PITHD1: variants seen among roughly 807,000 people sequenced by gnomAD.
PITHD1 encodes PITH domain containing 1, also known as PITH domain-containing protein 1.
Under a neutral mutation model 27.5 loss-of-function variants are expected in PITHD1, and 8 were observed. The observed-to-expected ratio is 0.29, with a 90% CI of 0.17 to 0.52. The LOEUF is 0.52. Among genes scored for constraint, PITHD1 ranks in the 20% least tolerant of loss-of-function variants. The pLI, the probability that PITHD1 is intolerant of heterozygous loss-of-function variation, is 0.96. For synonymous variants in PITHD1, 118 were observed against 106.8 expected, an observed-to-expected ratio of 1.10 and a Z score of -0.64; for missense variants, 233 against 283.9, an observed-to-expected ratio of 0.82 and a Z score of 1.29.
At chr1:23,779,399 A>G in intron 1 of PITHD1, 39 bp from the exon 2 acceptor site, 1 of 1,544,708 alleles carries the variant, frequency 6.5e-7, no homozygotes, top group Non-Finnish European at 8.9e-7. Flanking sequence ...CTCAGCAAAT[A>G]TTTGTTGCTT....
intron 1 of PITHD1, 92 bp from the exon 2 acceptor site, chr1:23,779,346 C>A: frequency 1.1e-6 from 1 of 940,974 alleles, no homozygotes; most frequent in Non-Finnish European, 1.7e-6. Context: ...CCCATTGCAC[C>A]CCAGTTGTAG....
In PITHD1 at chr1:23,778,597, G is replaced by A; in HGVS notation, c.82G>A (p.Ala28Thr). Reference sequence around the variant, plus strand: ...GGAGCCGCCCGAGCAGCGCGGCCTGGCCTACGGCCTGTACCTGCGCATCGA... The same window carrying A: ...GGAGCCGCCCGAGCAGCGCGGCCTGACCTACGGCCTGTACCTGCGCATCGA... ...REEPPEQRGLAYGLYLRIDLE... is the reference protein window; with the variant it reads ...REEPPEQRGLTYGLYLRIDLE... Residue 28 changes from alanine to threonine, a missense_variant, in exon 1 of 6, where the codon GCC becomes ACC. Physicochemically the swap from Ala to Thr is moderately conservative, Grantham distance 58 (BLOSUM62 0). Coordinates refer to ENST00000246151, the MANE Select transcript of PITHD1 (RefSeq NM_020362.5). The A allele has an allele frequency of 7.5e-7, 1 of 1,328,754 alleles. No individual in the cohort carries two copies. The highest frequency in any genetic ancestry group is 2.0e-5 in the South Asian group (1 of 49,882). The allele number at this position is 1,328,754 out of a possible 1,614,324, so 82.3% of individuals were successfully genotyped here.
At chr1:23,779,810 C>A in intron 2 of PITHD1, 54 bp from the exon 3 acceptor site, 2 of 1,340,326 alleles carry the variant, frequency 1.5e-6, no homozygotes, top group Non-Finnish European at 2.2e-6. Flanking sequence ...GGTCACACAA[C>A]TAAACAGGTA....
intron 3 of PITHD1, among the ~76,000 whole-genome samples, chr1:23,780,411 C>T (rs1638579784): frequency 6.6e-6 from 1 of 152,214 alleles, no homozygotes. Flanking sequence ...CCTCTTGCAA[C>T]ACTGAATCTT....
intron 5 of PITHD1, 29 bp from the exon 6 acceptor site, chr1:23,787,246 T>G: frequency 6.5e-7 from 1 of 1,541,102 alleles, no homozygotes; most frequent in South Asian, 1.1e-5. Context: ...TTTTAATGGC[T>G]GGCTGACCCA....
rs1226879475 is a variant in PITHD1 at position 23,787,477 on chromosome 1, A to G, written c.*101A>G. 4 of 690,886 alleles carry G rather than the reference A, an allele frequency of 5.8e-6. No individual in the cohort carries two copies. The highest frequency in any genetic ancestry group is 1.0e-5 in the Non-Finnish European group (4 of 390,664). 42.8% of individuals were successfully genotyped at this position (690,886 alleles called of 1,614,324 possible). A position where few individuals can be genotyped will look rare whatever the true frequency, so the allele number is the denominator to read the frequency against. ...GAGGCTCCAGAGAGAGTTGGCTGCC[A>G]CAGCCTCTGCCAAGCTTTGTCTTTG... On this transcript the variant is annotated 3_prime_UTR_variant, in exon 6 of 6. Transcript: ENST00000246151.
At chr1:23,783,025 C>T (rs1458063501) in intron 3 of PITHD1, among the ~76,000 whole-genome samples, 1 of 151,854 alleles carries the variant, frequency 6.6e-6, no homozygotes, top group African/African-American at 2.4e-5. Flanking sequence ...GAGACAGAGT[C>T]TCACTGTGTC....
chr1:23,778,805 C>G (rs115234608), intron 1 of PITHD1, 92 bp downstream of exon 1: 15 of 776,660 alleles, frequency 1.9e-5, no homozygotes, highest in Non-Finnish European at 2.6e-5. Flanking sequence ...AGAATAACGA[C>G]AGCCTGGTTG....
intron 3 of PITHD1, among the ~76,000 whole-genome samples, chr1:23,781,671 T>G (rs1420929333): frequency 6.6e-6 from 1 of 152,212 alleles, no homozygotes; most frequent in Non-Finnish European, 1.5e-5. Flanking sequence ...CCATGCTGCA[T>G]TGTGATTTAG....
chr1:23,784,091 A>T (rs1638649002), intron 3 of PITHD1, among the ~76,000 whole-genome samples: 1 of 152,184 alleles, frequency 6.6e-6, no homozygotes, highest in South Asian at 2.1e-4. Context: ...TGACAGAGCC[A>T]GGCTTGAATC....
chr1:23,781,663 A>G (rs1162814655), intron 3 of PITHD1, among the ~76,000 whole-genome samples: 2 of 152,228 alleles, frequency 1.3e-5, no homozygotes, highest in East Asian at 1.9e-4. Flanking sequence ...TTAGGCATCC[A>G]TGCTGCATTG....
chr1:23,782,377 C>T (rs1638614512), intron 3 of PITHD1, among the ~76,000 whole-genome samples: 1 of 151,674 alleles, frequency 6.6e-6, no homozygotes, highest in African/African-American at 2.4e-5. Flanking sequence ...CAAGATTACT[C>T]CACTGCACTC....
chr1:23,778,637 A>G lies in PITHD1; in HGVS notation c.122A>G (p.Gln41Arg). Reference protein sequence around the residue: ...LYLRIDLERLQCLNESREGSG... With the variant: ...LYLRIDLERLRCLNESREGSG... ...CTGCGCATCGACCTGGAGCGGCTGC[A>G]ATGCCTTAACGAGAGCCGCGAGGGC... The change falls in exon 1 of 6, where the codon CAA becomes CGA. Residue 41 changes from glutamine to arginine, a missense_variant. Gln to Arg is a conservative substitution (Grantham distance 43). Transcript: ENST00000246151. The G allele has an allele frequency of 1.5e-6, 2 of 1,335,816 alleles. No homozygotes were observed. The highest frequency in any genetic ancestry group is 4.0e-5 in the South Asian group (2 of 49,474). 82.7% of individuals were successfully genotyped at this position (1,335,816 alleles called of 1,614,324 possible).
At chr1:23,786,078 A>G (rs895984829) in intron 4 of PITHD1, among the ~76,000 whole-genome samples, 1 of 152,204 alleles carries the variant, frequency 6.6e-6, no homozygotes, top group Non-Finnish European at 1.5e-5. Flanking sequence ...AGCATTTCTC[A>G]TTCCTGTTCC....
Position 23,785,677 on chromosome 1 carries a change from A to G in PITHD1, c.323A>G (p.Tyr108Cys). 6.3e-7 allele frequency: 1 copy of G among 1,580,976 alleles called. No homozygotes were observed. The highest frequency in any genetic ancestry group is 8.7e-7 in the Non-Finnish European group (1 of 1,150,226). The change falls in exon 4 of 6, where the codon TAC becomes TGC. Residue 108 changes from tyrosine (Y) to cysteine (C), a missense_variant and splice_region_variant. Tyr to Cys is a radical substitution (Grantham distance 194). Transcript: ENST00000246151. ...DDSHPSEMRLYKNIPQMSFDD... is the reference protein window; with the variant it reads ...DDSHPSEMRLCKNIPQMSFDD... Reference sequence around the variant, plus strand: ...TTTTCTTTCCTTTCCTTTCTCAGGTACAAGAATATTCCACAGATGTCCTTT... The same window carrying G: ...TTTTCTTTCCTTTCCTTTCTCAGGTGCAAGAATATTCCACAGATGTCCTTT...
In PITHD1 at chr1:23,779,499, G is replaced by T. The variant is rs1468404405; in HGVS notation, c.242+18G>T. 6.3e-6 allele frequency: 10 copies of T among 1,597,544 alleles called. No individual in the cohort carries two copies. The highest frequency in any genetic ancestry group is 8.6e-6 in the Non-Finnish European group (10 of 1,164,964). On this transcript the variant is annotated intron_variant, in intron 2 of 5. Coordinates refer to ENST00000246151, the MANE Select transcript of PITHD1 (RefSeq NM_020362.5). ...AATATTCCGTAAGTATCTCCTTGGT[G>T]CCTACCTCAGGCTAAATAGGCTGTA...
Position 23,787,400 on chromosome 1 carries a change from G to A in PITHD1, c.*24G>A, listed in dbSNP as rs1215057318. ...AAGGGCTGGCCAAGGCTCCCATAGAGGCGCTGTGTCAGTGAAGATGTACGA... is the reference window on the plus strand; with the variant it reads ...AAGGGCTGGCCAAGGCTCCCATAGAAGCGCTGTGTCAGTGAAGATGTACGA... On this transcript the variant is annotated 3_prime_UTR_variant, in exon 6 of 6. Transcript: ENST00000246151. 4 of 1,314,910 alleles carry A rather than the reference G, an allele frequency of 3.0e-6. No individual in the cohort carries two copies. The highest frequency in any genetic ancestry group is 4.4e-6 in the Non-Finnish European group (4 of 909,840). 81.5% of individuals were successfully genotyped at this position (1,314,910 alleles called of 1,614,324 possible).
At chr1:23,783,577 G>A (rs1638641500) in intron 3 of PITHD1, among the ~76,000 whole-genome samples, 1 of 151,556 alleles carries the variant, frequency 6.6e-6, no homozygotes, top group South Asian at 2.1e-4. Context: ...TCAGCCTCCT[G>A]AGTAGCTGGG....
In PITHD1 at chr1:23,787,358, G is replaced by A. The variant is rs367606129; in HGVS notation, c.618G>A (p.Gln206=). Residue 206 remains glutamine (Q), a synonymous_variant, in exon 6 of 6, where the codon CAG becomes CAA. Transcript: ENST00000246151. Reference sequence around the variant, plus strand: ...ATAGGGTCCATCAGGTTACCCCACAGACACACTTTATTTCCTAAGGGCTGG... The same window carrying A: ...ATAGGGTCCATCAGGTTACCCCACAAACACACTTTATTTCCTAAGGGCTGG... ...ADHRVHQVTP[Q]THFIS is the part of the protein sequence containing the mutation. The A allele has an allele frequency of 6.2e-7, 1 of 1,604,638 alleles. No homozygotes were observed. The highest frequency in any genetic ancestry group is 8.5e-7 in the Non-Finnish European group (1 of 1,171,872).
Sources: gnomAD v4.1 joint callset for allele counts (sites outside exome capture counted in the v4.1 genomes callset) on GRCh38, gnomAD v4.1.1 for gene constraint, MANE v1.5 for transcripts, NCBI Gene and HGNC (gene_info 2026-07-23, HGNC 2026-07-21) for gene names.